The following AAK1 variants were observed in gnomAD, a reference collection of about 807,000 sequenced individuals.
AAK1 encodes the protein AP2-associated protein kinase 1.
A neutral mutation model predicts 116.0 loss-of-function variants in AAK1; 37 were observed. The observed-to-expected ratio is 0.32, with a 90% CI of 0.25 to 0.42. The LOEUF is 0.42. Ranked by LOEUF, AAK1 falls within the 10% of genes least tolerant of loss-of-function variation. The pLI is 1.00. For missense variants in AAK1, 919 were observed against 1,170.6 expected, an observed-to-expected ratio of 0.79 and a Z score of 3.14; for synonymous variants, 458 against 439.9, an observed-to-expected ratio of 1.04 and a Z score of -0.51.
chr2:69,461,546 T>C lies in AAK1; in HGVS notation c.*14323A>G. ...TTGCATGTGTTTGCATCCGTTTCTG[T>C]ATTCAAAGAAGGTATGTAGAGTCTC... On this transcript the variant is annotated 3_prime_UTR_variant, in exon 22 of 22. Coordinates refer to ENST00000409085, the MANE Select transcript of AAK1 (RefSeq NM_014911.5). 1 of 289,782 alleles carries C rather than the reference T, an allele frequency of 3.5e-6. No homozygotes were observed. Among genetic ancestry groups the C allele is most frequent in the Non-Finnish European group, 6.8e-6 (1 of 146,220 alleles). The allele number at this position is 289,782 out of a possible 1,614,324, so 18.0% of individuals were successfully genotyped here.
intron 2 of AAK1, among the ~76,000 whole-genome samples, chr2:69,582,397 G>A (rs1485004527): frequency 6.6e-6 from 1 of 150,452 alleles, no homozygotes; most frequent in African/African-American, 2.5e-5. Flanking sequence ...GTGTGTGTGT[G>A]CGTGTGTGTG....
At chr2:69,628,853 C>G (rs1400058049) in intron 2 of AAK1, among the ~76,000 whole-genome samples, 3 of 152,152 alleles carry the variant, frequency 2.0e-5, no homozygotes, top group Non-Finnish European at 4.4e-5. Context: ...GCAGAATTTG[C>G]TGTTGATTGC....
At chr2:69,616,909 C>T (rs527365759) in intron 2 of AAK1, among the ~76,000 whole-genome samples, 8 of 152,202 alleles carry the variant, frequency 5.3e-5, no homozygotes, top group Middle Eastern at 3.4e-3. Context: ...TTTCTAACCC[C>T]AAGTTCCCCC....
chr2:69,631,152 C>T (rs904177036), intron 2 of AAK1, among the ~76,000 whole-genome samples: 4 of 152,194 alleles, frequency 2.6e-5, no homozygotes, highest in African/African-American at 7.2e-5. Flanking sequence ...ACCTACGATG[C>T]CTTAGTTCCA....
chr2:69,566,645 T>C (rs1671883242), intron 2 of AAK1, among the ~76,000 whole-genome samples: 1 of 152,160 alleles, frequency 6.6e-6, no homozygotes, highest in South Asian at 2.1e-4. Flanking sequence ...TTATGATTGA[T>C]TGGGGAGGAT....
intron 16 of AAK1, among the ~76,000 whole-genome samples, chr2:69,499,513 G>T (rs1330780016): frequency 6.6e-6 from 1 of 152,132 alleles, no homozygotes; most frequent in African/African-American, 2.4e-5. Context: ...ATACAGAACT[G>T]TTCCATGAAA....
chr2:69,615,860 T>C (rs1257197467), intron 2 of AAK1, among the ~76,000 whole-genome samples: 1 of 152,238 alleles, frequency 6.6e-6, no homozygotes, highest in Non-Finnish European at 1.5e-5. Context: ...AGTGCCCTCA[T>C]GACATGGGGC....
chr2:69,558,908 A>G (rs914528440), intron 2 of AAK1, among the ~76,000 whole-genome samples: 13 of 152,172 alleles, frequency 8.5e-5, no homozygotes, highest in Admixed American at 7.9e-4. Context: ...TTCCTGCTGT[A>G]TCTTTACATA....
At chr2:69,478,887 A>G in intron 20 of AAK1, 64 bp downstream of exon 20, 1 of 1,368,550 alleles carries the variant, frequency 7.3e-7, no homozygotes, top group African/African-American at 1.5e-5. Context: ...AAAAACTTTC[A>G]AAAGTTGTTT....
At chr2:69,603,834 T>C (rs1673684340) in intron 2 of AAK1, among the ~76,000 whole-genome samples, 1 of 152,224 alleles carries the variant, frequency 6.6e-6, no homozygotes, top group Admixed American at 6.5e-5. Flanking sequence ...AATTCTCTGG[T>C]GTTTCAGGAG....
Position 69,544,568 on chromosome 2 carries a change from T to C in AAK1, c.283-24A>G, listed in dbSNP as rs1670849098. The C allele has an allele frequency of 3.9e-6, 6 of 1,556,242 alleles. No homozygotes were observed. In the African/African-American group the frequency reaches 4.1e-5, roughly 11 times the overall value. On this transcript the variant is annotated intron_variant, in intron 3 of 21. Transcript: ENST00000409085. ...CTCTGTGAACAAGAGAGGAGAAATATATTGTTAGTTTCAGATGCCAATAGG... is the reference window on the plus strand; with the variant it reads ...CTCTGTGAACAAGAGAGGAGAAATACATTGTTAGTTTCAGATGCCAATAGG...
At chr2:69,500,975 T>C (rs966154939) in intron 16 of AAK1, among the ~76,000 whole-genome samples, 6 of 151,932 alleles carry the variant, frequency 3.9e-5, no homozygotes, top group African/African-American at 1.2e-4. Context: ...TTCTTATTCA[T>C]TCAACACGTC....
chr2:69,462,166 A>G lies in AAK1; in HGVS notation c.*13703T>C, dbSNP rs1285767228. ...TCTCACTCATAGGTGGGAATTGAACAAAGAGAACACATGGACACAGTAAGG... is the reference window on the plus strand; with the variant it reads ...TCTCACTCATAGGTGGGAATTGAACGAAGAGAACACATGGACACAGTAAGG... On this transcript the variant is annotated 3_prime_UTR_variant, in exon 22 of 22. Transcript: ENST00000409085. The G allele has an allele frequency of 1.4e-5, 2 of 145,062 alleles. No individual in the cohort carries two copies. The highest frequency in any genetic ancestry group is 3.0e-5 in the Non-Finnish European group (2 of 66,712). 9.0% of individuals were successfully genotyped at this position (145,062 alleles called of 1,614,324 possible).
intron 2 of AAK1, among the ~76,000 whole-genome samples, chr2:69,635,371 T>A (rs1280710575): frequency 3.9e-5 from 6 of 152,216 alleles, no homozygotes; most frequent in Non-Finnish European, 8.8e-5. Context: ...ACAGCCGCTA[T>A]GGAAAACAAT....
At chr2:69,628,727 G>C (rs1471949865) in intron 2 of AAK1, among the ~76,000 whole-genome samples, 5 of 152,144 alleles carry the variant, frequency 3.3e-5, no homozygotes, top group African/African-American at 1.2e-4. Context: ...TTCATCTTCT[G>C]AGGAAGTCTC....
intron 2 of AAK1, among the ~76,000 whole-genome samples, chr2:69,633,582 A>G (rs1443742574): frequency 3.4e-5 from 5 of 146,996 alleles, no homozygotes; most frequent in Non-Finnish European, 5.9e-5. Flanking sequence ...GCCTGGCGAC[A>G]GAATGAGACG....
chr2:69,614,151 C>A (rs1373737469), intron 2 of AAK1, among the ~76,000 whole-genome samples: 1 of 152,168 alleles, frequency 6.6e-6, no homozygotes, highest in Non-Finnish European at 1.5e-5. Context: ...AGAAGACAAG[C>A]AACAAAGAAT....
chr2:69,494,521 C>T (rs1414366851), intron 17 of AAK1, among the ~76,000 whole-genome samples: 1 of 152,116 alleles, frequency 6.6e-6, no homozygotes, highest in Non-Finnish European at 1.5e-5. Context: ...AAAGCAAGAA[C>T]CTGAAGGGGT....
chr2:69,610,461 A>G (rs527596209), intron 2 of AAK1, among the ~76,000 whole-genome samples: 1 of 152,380 alleles, frequency 6.6e-6, no homozygotes, highest in Admixed American at 6.5e-5. Flanking sequence ...CTTGGATATG[A>G]TACCAAAGGC....
Sources: allele counts gnomAD v4.1 joint callset (sites outside exome capture counted in the v4.1 genomes callset), GRCh38; gene constraint gnomAD v4.1.1; transcripts MANE v1.5; gene names NCBI Gene and HGNC (gene_info 2026-07-23, HGNC 2026-07-21).